COQ2: variants seen among roughly 807,000 people sequenced by gnomAD.
The protein encoded by COQ2 is coenzyme Q2, polyprenyltransferase.
A neutral mutation model predicts 35.7 loss-of-function variants in COQ2; 25 were observed. That is an observed-to-expected ratio of 0.70 (90% CI 0.51 to 0.98). The LOEUF (loss-of-function observed/expected upper bound fraction) is 0.98. Ranked by LOEUF, COQ2 falls within the 50% of genes least tolerant of loss-of-function variation. The pLI, the probability that COQ2 is intolerant of heterozygous loss-of-function variation, is 0.00. For missense variants in COQ2, 488 were observed against 473.5 expected, an observed-to-expected ratio of 1.03 and a Z score of -0.28; for synonymous variants, 206 against 186.2, an observed-to-expected ratio of 1.11 and a Z score of -0.86.
intron 1 of COQ2, among the ~76,000 whole-genome samples, chr4:83,279,972 T>C (rs148279280): frequency 6.7e-6 from 1 of 150,258 alleles, no homozygotes; most frequent in Admixed American, 6.7e-5. Context: ...GTGATCCTCC[T>C]GCCTCCGCCT....
intron 5 of COQ2, 86 bp from the exon 6 acceptor site, chr4:83,267,860 T>TG: frequency 9.6e-7 from 1 of 1,036,662 alleles, no homozygotes; most frequent in Non-Finnish European, 1.3e-6. Flanking sequence ...AGATTTAGTG[T>TG]TTTTTTGTAT....
In COQ2 at chr4:83,284,747, G is replaced by A. The variant is rs772719748; in HGVS notation, c.18C>T (p.Ala6=). The A allele has an allele frequency of 2.2e-5, 34 of 1,531,586 alleles. No individual in the cohort carries two copies. Among genetic ancestry groups the A allele is most frequent in the African/African-American group, 2.8e-5 (2 of 70,628 alleles). 94.9% of individuals were successfully genotyped at this position (1,531,586 alleles called of 1,614,324 possible). The change falls in exon 1 of 7, where the codon GCC becomes GCT. Residue 6 remains alanine (A), a synonymous_variant. Coordinates refer to ENST00000647002, the MANE Select transcript of COQ2 (RefSeq NM_001358921.2). MLGSR[A]AGFARGLRAV... ...CCCGCAGGCCCCGCGCGAACCCCGC[G>A]GCTCGCGAGCCCAGCATGGCGCTGG...
intron 1 of COQ2, among the ~76,000 whole-genome samples, chr4:83,280,134 T>G (rs969467938): frequency 5.9e-5 from 9 of 152,178 alleles, no homozygotes; most frequent in African/African-American, 1.7e-4. Flanking sequence ...TATTTTGAAC[T>G]GAGTACTTTG....
At chr4:83,280,853 G>A (rs146359261) in intron 1 of COQ2, among the ~76,000 whole-genome samples, 1 of 152,310 alleles carries the variant, frequency 6.6e-6, no homozygotes, top group Non-Finnish European at 1.5e-5. Flanking sequence ...CAGTAACAAT[G>A]GCTAATATTT....
chr4:83,282,116 G>A (rs919639088), intron 1 of COQ2, among the ~76,000 whole-genome samples: 35 of 152,182 alleles, frequency 2.3e-4, no homozygotes, highest in South Asian at 1.0e-3. Context: ...AATAAAATGA[G>A]CAAGTTCTGA....
Position 83,272,163 on chromosome 4 carries a change from C to A in COQ2, c.552G>T (p.Leu184=). 7 of 1,606,634 alleles carry A rather than the reference C, an allele frequency of 4.4e-6. No individual in the cohort carries two copies. The highest frequency in any genetic ancestry group is 6.0e-6 in the Non-Finnish European group (7 of 1,175,972). Reference sequence around the variant, plus strand: ...TGACAAGAAGTAAGGATCCTGCTCCCAGAGCTATACTGAAAAGAGGAAAAA... The same window carrying A: ...TGACAAGAAGTAAGGATCCTGCTCCAAGAGCTATACTGAAAAGAGGAAAAA... ...LLCLNYYSIA[L]GAGSLLLVIT... is the part of the protein sequence containing the mutation. Residue 184 remains leucine, a synonymous_variant, in exon 4 of 7, where the codon CTG becomes CTT. Coordinates refer to ENST00000647002, the MANE Select transcript of COQ2 (RefSeq NM_001358921.2).
Position 83,284,049 on chromosome 4 carries a change from C to T in COQ2, c.253+463G>A, listed in dbSNP as rs1477205388. The T allele has an allele frequency of 5.1e-6, 5 of 985,312 alleles. No homozygotes were observed. In the South Asian group the frequency reaches 1.4e-4, roughly 28 times the overall value. The allele number at this position is 985,312 out of a possible 1,614,324, so 61.0% of individuals were successfully genotyped here. On this transcript the variant is annotated intron_variant, in intron 1 of 6. Coordinates refer to ENST00000647002, the MANE Select transcript of COQ2 (RefSeq NM_001358921.2). ...TGACGAGGAGCCTTAGTTTCCTCAG[C>T]GTCTTAACTGTCTTAAGGATTGTCT...
intron 2 of COQ2, 78 bp from the exon 3 acceptor site, chr4:83,273,695 C>G: frequency 2.2e-6 from 3 of 1,380,322 alleles, no homozygotes; most frequent in Non-Finnish European, 3.0e-6. Flanking sequence ...AAGAGACTGG[C>G]CCATGGTAGG....
At chr4:83,269,045 T>G (rs561250655) in intron 5 of COQ2, among the ~76,000 whole-genome samples, 29 of 152,302 alleles carry the variant, frequency 1.9e-4, no homozygotes, top group African/African-American at 7.0e-4. Context: ...AATGAGTTTT[T>G]AAAATGGAAT....
At chr4:83,274,907 ACT>A (rs1162566740) in intron 2 of COQ2, among the ~76,000 whole-genome samples, 1 of 152,064 alleles carries the variant, frequency 6.6e-6, no homozygotes, top group Non-Finnish European at 1.5e-5. Flanking sequence ...TCTCCAGTTC[ACT>A]GATTCCTTCC....
intron 1 of COQ2, chr4:83,284,252 G>A (rs1446385347): frequency 3.8e-5 from 37 of 985,326 alleles, no homozygotes; most frequent in Non-Finnish European, 4.3e-5. Context: ...GGTCCTTTAG[G>A]AGACTGTCCC....
chr4:83,266,686 T>C (rs1239249176), intron 6 of COQ2: 1 of 154,362 alleles, frequency 6.5e-6, no homozygotes, highest in African/African-American at 2.4e-5. Flanking sequence ...AGTGATTTAA[T>C]CAAAATTAGA....
At chr4:83,267,913 A>C (rs1342079513) in intron 5 of COQ2, 139 bp from the exon 6 acceptor site, 12 of 675,312 alleles carry the variant, frequency 1.8e-5, no homozygotes, top group Non-Finnish European at 2.7e-5. Context: ...CTACTTTCAG[A>C]AGAAATTGTC....
intron 1 of COQ2, chr4:83,283,396 C>T (rs1436234831): frequency 1.1e-5 from 11 of 985,324 alleles, no homozygotes; most frequent in Non-Finnish European, 1.3e-5. Flanking sequence ...ATTTTCCACA[C>T]CCACTTGGTG....
At chr4:83,284,985 A>G (rs1735438749), upstream of COQ2, 15 of 1,083,976 alleles carry the variant, frequency 1.4e-5, no homozygotes, top group Non-Finnish European at 1.9e-5. Context: ...CAAAAAAATT[A>G]CAATAAATTT....
intron 4 of COQ2, 50 bp downstream of exon 4, chr4:83,272,037 G>T: frequency 8.4e-7 from 1 of 1,184,460 alleles, no homozygotes; most frequent in Non-Finnish European, 1.2e-6. Flanking sequence ...CTCCATAAAA[G>T]TGTAGTTTGC....
At chr4:83,277,215 G>C (rs910365952) in intron 2 of COQ2, among the ~76,000 whole-genome samples, 9 of 152,142 alleles carry the variant, frequency 5.9e-5, no homozygotes, top group Non-Finnish European at 7.4e-5. Flanking sequence ...AAAGGACAGT[G>C]TGCATGTCTT....
At chr4:83,284,463 G>A (rs1185787323) in intron 1 of COQ2, 49 bp downstream of exon 1, 4 of 1,520,112 alleles carry the variant, frequency 2.6e-6, no homozygotes, top group Non-Finnish European at 3.5e-6. Context: ...GAGCCGACTC[G>A]GAGGCTGCTA....
At chr4:83,267,541 T>A (rs1577983057) in intron 6 of COQ2, 45 bp downstream of exon 6, 2 of 1,487,200 alleles carry the variant, frequency 1.3e-6, no homozygotes, top group African/African-American at 1.4e-5. Flanking sequence ...ATTTTTATAA[T>A]TTATACCAAG....
Sources: allele counts gnomAD v4.1 joint callset (sites outside exome capture counted in the v4.1 genomes callset), GRCh38; gene constraint gnomAD v4.1.1; transcripts MANE v1.5; gene names NCBI Gene and HGNC (gene_info 2026-07-23, HGNC 2026-07-21).